CERS6: variants seen among roughly 807,000 people sequenced by gnomAD.
The protein encoded by CERS6 is ceramide synthase 6.
CERS6 carries 26 observed loss-of-function variants against 56.8 expected under a neutral mutation model. The ratio of observed to expected loss-of-function variants is 0.46; its 90% confidence interval spans 0.34 to 0.63. CERS6 has a LOEUF of 0.63. CERS6 is among the 30% of genes least tolerant of loss of function. The probability of loss-of-function intolerance (pLI) is 0.01; values close to 1 mark genes in which losing one functional copy is unlikely to be tolerated. For synonymous variants in CERS6, 164 were observed against 173.3 expected (o/e 0.95, Z 0.42); for missense variants, 415 against 467.5 (o/e 0.89, Z 1.04).
At chr2:168,574,537 A>G (rs764803973) in intron 3 of CERS6, among the ~76,000 whole-genome samples, 3 of 152,148 alleles carry the variant, frequency 2.0e-5, no homozygotes, top group African/African-American at 2.4e-5. Flanking sequence ...TGAACAAACA[A>G]TCCTTCATTT....
chr2:168,473,019 G>A (rs955144336), intron 1 of CERS6, among the ~76,000 whole-genome samples: 4 of 152,168 alleles, frequency 2.6e-5, no homozygotes, highest in South Asian at 2.1e-4. Flanking sequence ...CCTTAAAAAC[G>A]TATCTTTTCA....
chr2:168,519,701 CA>C (rs1191835640), intron 1 of CERS6, among the ~76,000 whole-genome samples: 3 of 152,172 alleles, frequency 2.0e-5, no homozygotes, highest in Non-Finnish European at 4.4e-5. Flanking sequence ...AACGTTGCTG[CA>C]AAGGACATGA....
intron 8 of CERS6, among the ~76,000 whole-genome samples, chr2:168,720,705 GT>G (rs1350777059): frequency 6.6e-6 from 1 of 152,156 alleles, no homozygotes; most frequent in Non-Finnish European, 1.5e-5. Flanking sequence ...TAAGAAACAT[GT>G]CAGGTTCATA....
Position 168,561,214 on chromosome 2 carries a change from A to C in CERS6, c.299A>C (p.Glu100Ala). ...TAGCATCCTGATGAAAAGAGATTGGAAGGCCTCTCCAAGCAACTGGACTGG... is the reference window on the plus strand; with the variant it reads ...TAGCATCCTGATGAAAAGAGATTGGCAGGCCTCTCCAAGCAACTGGACTGG... ...ITKHPDEKRL[E>A]GLSKQLDWDV... The change falls in exon 3 of 10, where the codon GAA (glutamate) becomes GCA (alanine). Residue 100 changes from glutamate to alanine, a missense_variant. Coordinates refer to ENST00000305747, the MANE Select transcript of CERS6 (RefSeq NM_203463.3). 2.5e-6 allele frequency: 4 copies of C among 1,614,066 alleles called. No homozygotes were observed. Among genetic ancestry groups the C allele is most frequent in the Non-Finnish European group, 3.4e-6 (4 of 1,179,948 alleles).
chr2:168,612,935 C>A (rs533035224), intron 3 of CERS6, among the ~76,000 whole-genome samples: 1 of 152,316 alleles, frequency 6.6e-6, no homozygotes, highest in African/African-American at 2.4e-5. Context: ...GCCTGGCTTA[C>A]AGGTCTGGCT....
chr2:168,497,584 C>A (rs1694495840), intron 1 of CERS6, among the ~76,000 whole-genome samples: 2 of 152,096 alleles, frequency 1.3e-5, no homozygotes, highest in Non-Finnish European at 2.9e-5. Flanking sequence ...GCAGTGGCCC[C>A]ATGGCAGTAC....
In CERS6 at chr2:168,735,561, T is replaced by G. The variant is rs572263048; in HGVS notation, c.845+17583T>G. On this transcript the variant is annotated intron_variant, in intron 8 of 9. Transcript: ENST00000305747. ...CAGAGTATGAAGTGCTGGTGAGCTT[T>G]TGTCACCAACAGCACTTAAGAAGTA... 1.2e-4 allele frequency among the ~76,000 whole-genome samples: 18 copies of G among 152,160 alleles called. No individual in the cohort carries two copies. In the East Asian group the frequency reaches 1.9e-3, roughly 16 times the overall value.
chr2:168,524,413 A>G (rs2105358213), intron 1 of CERS6, among the ~76,000 whole-genome samples: 1 of 152,322 alleles, frequency 6.6e-6, no homozygotes, highest in South Asian at 2.1e-4. Context: ...AAAGGAATGG[A>G]GCTAAGTCTC....
intron 8 of CERS6, among the ~76,000 whole-genome samples, chr2:168,739,807 A>G (rs998728142): frequency 8.6e-5 from 13 of 151,336 alleles, no homozygotes; most frequent in Admixed American, 6.6e-5. Flanking sequence ...GTACAATGGC[A>G]CCATCTCAGC....
intron 1 of CERS6, among the ~76,000 whole-genome samples, chr2:168,491,823 T>A (rs1169682456): frequency 2.6e-5 from 4 of 152,146 alleles, no homozygotes; most frequent in African/African-American, 9.7e-5. Flanking sequence ...CCTGTGTCCA[T>A]GTGTTCTCAT....
chr2:168,723,523 C>G (rs977550807), intron 8 of CERS6, among the ~76,000 whole-genome samples: 3 of 151,656 alleles, frequency 2.0e-5, no homozygotes, highest in Admixed American at 2.0e-4. Flanking sequence ...GGCTTTCATG[C>G]TTGTCTTTTC....
chr2:168,643,654 G>A (rs1685097771), intron 4 of CERS6, among the ~76,000 whole-genome samples: 1 of 152,170 alleles, frequency 6.6e-6, no homozygotes, highest in Non-Finnish European at 1.5e-5. Context: ...TCTCCCTCAG[G>A]AGGGAGAATT....
chr2:168,593,408 G>A (rs1049858016), intron 3 of CERS6, among the ~76,000 whole-genome samples: 3 of 152,120 alleles, frequency 2.0e-5, no homozygotes, highest in East Asian at 1.9e-4. Flanking sequence ...TTTGGAAACC[G>A]CAGTTTTCTT....
intron 3 of CERS6, among the ~76,000 whole-genome samples, chr2:168,603,157 A>G (rs1683974239): frequency 6.6e-6 from 1 of 152,190 alleles, no homozygotes; most frequent in Non-Finnish European, 1.5e-5. Flanking sequence ...TTGTAGCACC[A>G]TGATATTTTT....
At chr2:168,698,236 GAAAA>G (rs1214508784) in intron 6 of CERS6, among the ~76,000 whole-genome samples, 2 of 124,992 alleles carry the variant, frequency 1.6e-5, no homozygotes, top group African/African-American at 7.2e-5. Context: ...TGTCTCACAG[GAAAA>G]AAAAAAAAAA....
intron 1 of CERS6, among the ~76,000 whole-genome samples, chr2:168,507,210 A>G (rs1028551060): frequency 6.6e-6 from 1 of 152,194 alleles, no homozygotes; most frequent in Non-Finnish European, 1.5e-5. Context: ...AAATCAGGAA[A>G]TAAGCATTGG....
At chr2:168,572,435 A>T (rs1432754070) in intron 3 of CERS6, among the ~76,000 whole-genome samples, 2 of 152,062 alleles carry the variant, frequency 1.3e-5, no homozygotes, top group Non-Finnish European at 2.9e-5. Context: ...GGAATACCTG[A>T]CCCAACACCA....
chr2:168,603,681 C>T (rs1683987195), intron 3 of CERS6, among the ~76,000 whole-genome samples: 1 of 152,232 alleles, frequency 6.6e-6, no homozygotes, highest in Non-Finnish European at 1.5e-5. Flanking sequence ...TCTCTCACAG[C>T]TGCCAGTGGG....
rs530739214 is a variant in CERS6, at chr2:168,534,111, G to A, written c.171-13485G>A. Among the ~76,000 whole-genome samples the A allele has an allele frequency of 2.6e-5, 4 of 152,094 alleles. No individual in the cohort carries two copies. In the East Asian group the frequency reaches 5.8e-4, roughly 22 times the overall value. On this transcript the variant is annotated intron_variant, in intron 1 of 9. Coordinates refer to ENST00000305747, the MANE Select transcript of CERS6 (RefSeq NM_203463.3). Reference sequence around the variant, plus strand: ...TCTAAACTGGTTATTCTAGTTAGCAGCTCCTGTCACCTTTTATCAAGGTTC... The same window carrying A: ...TCTAAACTGGTTATTCTAGTTAGCAACTCCTGTCACCTTTTATCAAGGTTC...
Sources: gnomAD v4.1 joint callset for allele counts (sites outside exome capture counted in the v4.1 genomes callset) on GRCh38, gnomAD v4.1.1 for gene constraint, MANE v1.5 for transcripts, NCBI Gene and HGNC (gene_info 2026-07-23, HGNC 2026-07-21) for gene names.